Variants in GLI3 observed in about 807,000 individuals in gnomAD.
GLI3 encodes the protein transcription activator GLI3.
A neutral mutation model predicts 100.8 loss-of-function variants in GLI3; 20 were observed. The observed-to-expected ratio is 0.20, with a 90% CI of 0.14 to 0.29. The LOEUF (loss-of-function observed/expected upper bound fraction) is 0.29. GLI3 is among the 10% of genes least tolerant of loss of function. The pLI is 1.00. For synonymous variants in GLI3, 938 were observed against 860.5 expected (o/e 1.09, Z -1.58); for missense variants, 2,040 against 2,128.5 (o/e 0.96, Z 0.82).
At chr7:41,971,500 C>T (rs988091426) in intron 13 of GLI3, among the ~76,000 whole-genome samples, 1 of 152,098 alleles carries the variant, frequency 6.6e-6, no homozygotes, top group Non-Finnish European at 1.5e-5. Context: ...ATTCATGAAG[C>T]GAAGTCACGA....
intron 3 of GLI3, among the ~76,000 whole-genome samples, chr7:42,078,653 A>G (rs1167740172): frequency 6.6e-6 from 1 of 151,616 alleles, no homozygotes; most frequent in East Asian, 1.9e-4. Flanking sequence ...CTGTCACTGT[A>G]GTATCGTGAT....
intron 3 of GLI3, among the ~76,000 whole-genome samples, chr7:42,131,598 G>A (rs1442872565): frequency 2.6e-5 from 4 of 151,990 alleles, no homozygotes; most frequent in East Asian, 3.9e-4. Context: ...ATCAATCTAT[G>A]GACAAAAACA....
intron 6 of GLI3, among the ~76,000 whole-genome samples, chr7:42,043,724 G>A (rs1015668962): frequency 3.3e-5 from 5 of 152,128 alleles, no homozygotes; most frequent in African/African-American, 1.2e-4. Flanking sequence ...TAAAAGGGTA[G>A]CTTCATCCTT....
chr7:42,147,130 G>A (rs1333261588), intron 3 of GLI3, among the ~76,000 whole-genome samples: 2 of 152,136 alleles, frequency 1.3e-5, no homozygotes, highest in East Asian at 3.9e-4. Flanking sequence ...GTGGTGCGGG[G>A]TAGCGGTTGC....
intron 2 of GLI3, among the ~76,000 whole-genome samples, chr7:42,155,826 T>A (rs1294853059): frequency 6.6e-6 from 1 of 151,836 alleles, no homozygotes; most frequent in South Asian, 2.1e-4. Context: ...CCTCCTGTAT[T>A]TTTTTTTTAA....
chr7:42,187,943 C>T lies in GLI3; in HGVS notation c.124+35187G>A, dbSNP rs559871772. ...GCTCGAACCCGGGAGGCAGAGGTTG[C>T]AATGAGCCGAGATCGCGCCACTGCA... On this transcript the variant is annotated intron_variant, in intron 2 of 14. Transcript: ENST00000395925. 5.0e-5 allele frequency among the ~76,000 whole-genome samples: 7 copies of T among 140,332 alleles called. 1 individual carries two copies. The highest frequency in any genetic ancestry group is 1.6e-4 in the African/African-American group (6 of 36,604). The allele number at this position is 140,332 out of a possible 152,430, so 92.1% of individuals were successfully genotyped here.
At chr7:42,120,699 T>G (rs181162293) in intron 3 of GLI3, among the ~76,000 whole-genome samples, 3 of 152,190 alleles carry the variant, frequency 2.0e-5, no homozygotes, top group Non-Finnish European at 4.4e-5. Context: ...AAATTAGACA[T>G]ATACTCTGAA....
chr7:42,140,239 T>C (rs1243135725), intron 3 of GLI3, among the ~76,000 whole-genome samples: 1 of 152,214 alleles, frequency 6.6e-6, no homozygotes, highest in East Asian at 1.9e-4. Flanking sequence ...GACAGCTCCC[T>C]TGTATTGACT....
chr7:42,046,102 T>C (rs1458192172), intron 5 of GLI3, among the ~76,000 whole-genome samples: 1 of 152,204 alleles, frequency 6.6e-6, no homozygotes, highest in Non-Finnish European at 1.5e-5. Flanking sequence ...CTTTTCTTCA[T>C]TACAAAATCA....
intron 3 of GLI3, among the ~76,000 whole-genome samples, chr7:42,102,442 G>A (rs139262303): frequency 5.1e-4 from 78 of 152,280 alleles, no homozygotes; most frequent in African/African-American, 1.7e-3. Context: ...CCTGCTTCTC[G>A]AGATTTTCTG....
intron 3 of GLI3, among the ~76,000 whole-genome samples, chr7:42,086,232 C>T (rs1785098669): frequency 6.6e-6 from 1 of 152,186 alleles, no homozygotes; most frequent in South Asian, 2.1e-4. Flanking sequence ...CCCTGAGAAG[C>T]AGGTACTATT....
chr7:42,078,179 A>G (rs1784920584), intron 3 of GLI3, among the ~76,000 whole-genome samples: 1 of 152,240 alleles, frequency 6.6e-6, no homozygotes, highest in African/African-American at 2.4e-5. Context: ...CGCCATCCCA[A>G]CTGGGTGGAA....
intron 1 of GLI3, among the ~76,000 whole-genome samples, chr7:42,248,178 C>T (rs539522117): frequency 8.0e-4 from 121 of 152,144 alleles, no homozygotes; most frequent in Non-Finnish European, 1.4e-3. Context: ...TGGTGATAAA[C>T]CAGAGAACTA....
rs988050367 is a variant in GLI3, at chr7:41,977,498, C to T, written c.1812+60G>A. ...GAACACACTGCGCCTTCCCATGTGC[C>T]TTCCCCGGGATAGTTCTTTGTTTCC... On this transcript the variant is annotated intron_variant, in intron 12 of 14. Transcript: ENST00000395925. The T allele has an allele frequency of 3.2e-6, 5 of 1,557,028 alleles. No individual in the cohort carries two copies. In the Admixed American group the frequency reaches 8.4e-5, roughly 26 times the overall value.
intron 12 of GLI3, among the ~76,000 whole-genome samples, chr7:41,974,481 C>T (rs967115211): frequency 6.6e-6 from 1 of 152,200 alleles, no homozygotes; most frequent in African/African-American, 2.4e-5. Flanking sequence ...AAAATGTTCT[C>T]AGACTTACTG....
chr7:42,049,326 G>T (rs550881184), intron 4 of GLI3, among the ~76,000 whole-genome samples: 2 of 152,222 alleles, frequency 1.3e-5, no homozygotes, highest in South Asian at 4.2e-4. Context: ...CCAGGGCCTC[G>T]CAGTGGTAAG....
At chr7:42,228,399 G>A (rs747757957) in intron 1 of GLI3, among the ~76,000 whole-genome samples, 14 of 152,238 alleles carry the variant, frequency 9.2e-5, no homozygotes, top group Non-Finnish European at 1.3e-4. Flanking sequence ...CCATGTGGGG[G>A]TGGGGAGGTG....
intron 2 of GLI3, among the ~76,000 whole-genome samples, chr7:42,185,987 T>C (rs1273426367): frequency 1.3e-5 from 2 of 152,188 alleles, no homozygotes; most frequent in African/African-American, 4.8e-5. Context: ...TTAGCCTCAC[T>C]GTCACCATGC....
At chr7:42,166,089 A>G (rs1281468001) in intron 2 of GLI3, among the ~76,000 whole-genome samples, 1 of 152,012 alleles carries the variant, frequency 6.6e-6, no homozygotes, top group Admixed American at 6.6e-5. Flanking sequence ...CCAACTCCAA[A>G]CTGCCCAGCC....
Sources: allele counts gnomAD v4.1 joint callset (sites outside exome capture counted in the v4.1 genomes callset), GRCh38; gene constraint gnomAD v4.1.1; transcripts MANE v1.5; gene names NCBI Gene and HGNC (gene_info 2026-07-23, HGNC 2026-07-21).